The following OXNAD1 variants were observed in gnomAD, a reference collection of about 807,000 sequenced individuals.
OXNAD1 encodes oxidoreductase NAD binding domain containing 1.
Under a neutral mutation model 32.9 loss-of-function variants are expected in OXNAD1, and 34 were observed. The ratio of observed to expected loss-of-function variants is 1.03; its 90% CI spans 0.79 to 1.38. OXNAD1 has a LOEUF of 1.38. Ranked by LOEUF, OXNAD1 falls within the 40% of genes most tolerant of loss-of-function variation. OXNAD1 has a pLI of 0.00. For missense variants in OXNAD1, 407 were observed against 379.4 expected (o/e 1.07, Z -0.60); for synonymous variants, 134 against 135.2 (o/e 0.99, Z 0.06).
intron 9 of OXNAD1, among the ~76,000 whole-genome samples, chr3:16,328,723 G>A (rs776173193): frequency 3.3e-5 from 5 of 152,128 alleles, no homozygotes; most frequent in Admixed American, 6.5e-5. Context: ...GTAGGGCCCC[G>A]GAATCTGTGT....
intron 9 of OXNAD1, among the ~76,000 whole-genome samples, chr3:16,330,306 G>A (rs900961452): frequency 2.0e-5 from 3 of 152,178 alleles, no homozygotes; most frequent in African/African-American, 4.8e-5. Flanking sequence ...AATGTTAAAT[G>A]TGATTTTCCG....
intron 9 of OXNAD1, among the ~76,000 whole-genome samples, chr3:16,313,418 G>T (rs1187131212): frequency 6.6e-6 from 1 of 152,004 alleles, no homozygotes; most frequent in African/African-American, 2.4e-5. Flanking sequence ...TATCAGACCT[G>T]CTCCTGTCTC....
rs2069235135 is a variant in OXNAD1, at chr3:16,322,881, C to T, written c.*31-14231C>T. Among the ~76,000 whole-genome samples the T allele has an allele frequency of 6.6e-6, 1 of 152,196 alleles. No homozygotes were observed. The highest frequency in any genetic ancestry group is 1.9e-4 in the East Asian group (1 of 5,192). On this transcript the variant is annotated intron_variant, in intron 9 of 9. Transcript: ENST00000435829. This position sits in a 1 kb window ranked among gnomAD's most constrained non-coding sequence, Gnocchi z 6.2. ...ACAGCTAGCATCACCAGCTGTCACA[C>T]AGAGGCCTTTGGGTCTAGGCCTGTC...
intron 4 of OXNAD1, among the ~76,000 whole-genome samples, chr3:16,283,028 G>GA (rs1016179043): frequency 6.6e-5 from 10 of 151,900 alleles, no homozygotes; most frequent in African/African-American, 2.4e-4. Flanking sequence ...GCAAGGGAAA[G>GA]AAAAAACATG....
chr3:16,300,830 C>G (rs2067128154), intron 6 of OXNAD1, among the ~76,000 whole-genome samples: 1 of 152,198 alleles, frequency 6.6e-6, no homozygotes, highest in African/African-American at 2.4e-5. Context: ...TCTCTAGCAT[C>G]TCTGGCCCTG....
downstream of OXNAD1, among the ~76,000 whole-genome samples, chr3:16,310,777 G>C (rs2067914710): frequency 6.6e-6 from 1 of 152,026 alleles, no homozygotes; most frequent in African/African-American, 2.4e-5. Context: ...ATCACCTGAG[G>C]TCGGGAGTTC....
intron 4 of OXNAD1, chr3:16,276,729 A>G (rs1433427419): frequency 6.6e-6 from 1 of 152,136 alleles, no homozygotes; most frequent in East Asian, 1.9e-4. Flanking sequence ...TCAGAATTTT[A>G]TAGGACAAAA....
Position 16,294,847 on chromosome 3 carries a change from T to C in OXNAD1, c.291-9T>C. 1 of 1,602,166 alleles carries C rather than the reference T, an allele frequency of 6.2e-7. No individual in the cohort carries two copies. Among genetic ancestry groups the C allele is most frequent in the Non-Finnish European group, 8.5e-7 (1 of 1,175,858 alleles). On this transcript the variant is annotated splice_polypyrimidine_tract_variant and intron_variant, in intron 5 of 8. Coordinates refer to ENST00000285083, the MANE Select transcript of OXNAD1 (RefSeq NM_138381.5). ...TCAACAATAATCATTTATTTGGCTT[T>C]CTTTTTAGGGTTGATTTCTTTATTC... is the stretch of plus-strand genomic sequence containing the variant.
intron 5 of OXNAD1, among the ~76,000 whole-genome samples, chr3:16,291,447 TA>T (rs1330442012): frequency 2.0e-5 from 3 of 152,226 alleles, no homozygotes; most frequent in Non-Finnish European, 4.4e-5. Context: ...AGATGACCAC[TA>T]ATCTATTTTG....
downstream of OXNAD1, among the ~76,000 whole-genome samples, chr3:16,308,521 A>G (rs1394599475): frequency 1.3e-5 from 2 of 152,156 alleles, no homozygotes; most frequent in East Asian, 1.9e-4. The surrounding 1 kb of genome is among the most constrained non-coding windows in gnomAD (Gnocchi z 4.4). Context: ...ATGATCTGAT[A>G]ATTTAACCTG....
chr3:16,334,120 G>A lies in OXNAD1; in HGVS notation c.*31-2992G>A, dbSNP rs1027962298. Among the ~76,000 whole-genome samples, 1 of 152,182 alleles carries A rather than the reference G, an allele frequency of 6.6e-6. No individual in the cohort carries two copies. The highest frequency in any genetic ancestry group is 1.5e-5 in the Non-Finnish European group (1 of 68,030). ...GCAGAAGCTGCAGTGAGCCGAGATC[G>A]TGCCACTGCACTCCAGCCTGGGCGA... On this transcript the variant is annotated intron_variant, in intron 9 of 9. Coordinates refer to the OXNAD1 transcript ENST00000435829. This position sits in a 1 kb window ranked among gnomAD's most constrained non-coding sequence, Gnocchi z 4.3.
intron 4 of OXNAD1, among the ~76,000 whole-genome samples, chr3:16,278,047 A>C (rs9830393): frequency 0.24 from 36,079 of 152,140 alleles, 5,973 homozygotes; most frequent in African/African-American, 0.48. Context: ...CCTACTGAGC[A>C]ATATATGCTC....
downstream of OXNAD1, chr3:16,337,372 G>A (rs915888079): frequency 4.6e-5 from 7 of 152,210 alleles, no homozygotes; most frequent in East Asian, 1.3e-3. This position sits in a 1 kb window ranked among gnomAD's most constrained non-coding sequence, Gnocchi z 5.0. Flanking sequence ...GCTAACTGGT[G>A]TATTACTATT....
chr3:16,319,201 T>A (rs1361472362), intron 9 of OXNAD1, among the ~76,000 whole-genome samples: 1 of 152,206 alleles, frequency 6.6e-6, no homozygotes, highest in African/African-American at 2.4e-5. Context: ...TACGTGTTTT[T>A]AGAAAAGGAC....
At chr3:16,291,980 T>C (rs937373591) in intron 5 of OXNAD1, among the ~76,000 whole-genome samples, 2 of 152,208 alleles carry the variant, frequency 1.3e-5, no homozygotes, top group Admixed American at 1.3e-4. Flanking sequence ...CTAATGACTA[T>C]TGATGTTGAA....
chr3:16,316,893 C>T lies in OXNAD1; in HGVS notation c.*30+13301C>T, dbSNP rs1157493693. 2.5e-6 allele frequency: 4 copies of T among 1,614,076 alleles called. No homozygotes were observed. Among genetic ancestry groups the T allele is most frequent in the Non-Finnish European group, 3.4e-6 (4 of 1,180,046 alleles). On this transcript the variant is annotated intron_variant, in intron 9 of 9. Coordinates refer to the OXNAD1 transcript ENST00000435829. This position sits in a 1 kb window ranked among gnomAD's most constrained non-coding sequence, Gnocchi z 4.5. ...GCATCCCCGTCCCTGGCATCCTCTC[C>T]AGGATTGGAGTGCCCAGTGCAAATC...
At position 16,337,265 on chromosome 3, in the gene OXNAD1, C is replaced by T. The variant is rs1020810452; in HGVS notation, c.*184C>T. 2.0e-5 allele frequency: 3 copies of T among 152,120 alleles called. No homozygotes were observed. Among genetic ancestry groups the T allele is most frequent in the Non-Finnish European group, 4.4e-5 (3 of 68,034 alleles). The allele number at this position is 152,120 out of a possible 1,614,324, so 9.4% of individuals were successfully genotyped here. On this transcript the variant is annotated 3_prime_UTR_variant, in exon 10 of 10. Coordinates refer to the OXNAD1 transcript ENST00000435829. This position sits in a 1 kb window ranked among gnomAD's most constrained non-coding sequence, Gnocchi z 5.0. ...CCTGCAGGCACATGCTGAGATTAGT[C>T]GATTTCCTAAAAGTTGAAGGAAAAA...
At chr3:16,319,562 G>C (rs534454229) in intron 9 of OXNAD1, among the ~76,000 whole-genome samples, 1 of 152,296 alleles carries the variant, frequency 6.6e-6, no homozygotes, top group African/African-American at 2.4e-5. Context: ...TCCACCACGT[G>C]CTAGACCTTC....
At chr3:16,276,225 C>T in intron 4 of OXNAD1, 1 of 237,426 alleles carries the variant, frequency 4.2e-6, no homozygotes, top group South Asian at 5.4e-5. Flanking sequence ...ATTGCGTGTT[C>T]AGGGAGCACA....
Sources: gnomAD v4.1 joint callset for allele counts (sites outside exome capture counted in the v4.1 genomes callset) on GRCh38, gnomAD v4.1.1 for gene constraint, Gnocchi (gnomAD v3.1) non-coding constraint, MANE v1.5 for transcripts, NCBI Gene and HGNC (gene_info 2026-07-23, HGNC 2026-07-21) for gene names.